RANBP17: variants seen among roughly 807,000 people sequenced by gnomAD.
RANBP17 encodes the protein RAN binding protein 17, also known as ran-binding protein 17.
A neutral mutation model predicts 141.2 loss-of-function variants in RANBP17; 158 were observed. That is an observed-to-expected ratio of 1.12 (90% CI 0.98 to 1.28). The LOEUF is 1.28. Ranked by LOEUF, RANBP17 falls within the 50% of genes most tolerant of loss-of-function variation. RANBP17 has a pLI of 0.00. For synonymous variants in RANBP17, 430 were observed against 450.0 expected (o/e 0.96, Z 0.56); for missense variants, 1,438 against 1,290.7 (o/e 1.11, Z -1.75).
chr5:171,082,885 A>AG (rs1254079286), intron 14 of RANBP17, among the ~76,000 whole-genome samples: 1 of 91,418 alleles, frequency 1.1e-5, no homozygotes, highest in Non-Finnish European at 2.8e-5. Flanking sequence ...ACCTCTTTAA[A>AG]GAAAAAAAAA....
At chr5:171,089,842 G>T (rs562326994) in intron 14 of RANBP17, among the ~76,000 whole-genome samples, 4 of 152,096 alleles carry the variant, frequency 2.6e-5, no homozygotes, top group East Asian at 1.9e-4. Flanking sequence ...GCACCCACTG[G>T]CCTGCGCCCA....
chr5:171,009,380 A>G (rs113573879), intron 14 of RANBP17, among the ~76,000 whole-genome samples: 2,031 of 152,308 alleles, frequency 0.013, 49 homozygotes, highest in African/African-American at 0.043. Flanking sequence ...TAAGTTGCTT[A>G]TAATCTAAAT....
chr5:171,056,729 A>T (rs1783402091), intron 14 of RANBP17, among the ~76,000 whole-genome samples: 1 of 152,174 alleles, frequency 6.6e-6, no homozygotes, highest in Non-Finnish European at 1.5e-5. Flanking sequence ...TACTTTGGAA[A>T]GTTTGTCATA....
chr5:170,870,654 T>C (rs1490479949), intron 1 of RANBP17, among the ~76,000 whole-genome samples: 2 of 152,238 alleles, frequency 1.3e-5, no homozygotes, highest in Non-Finnish European at 2.9e-5. Context: ...ATGTCTTTGC[T>C]ATTGTGAATA....
intron 18 of RANBP17, among the ~76,000 whole-genome samples, chr5:171,198,219 G>A (rs1338695345): frequency 6.6e-6 from 1 of 152,204 alleles, no homozygotes; most frequent in Non-Finnish European, 1.5e-5. Flanking sequence ...TCTAAGAGGA[G>A]TCACTTGGTC....
chr5:171,078,134 CTTTT>C (rs11331471), intron 14 of RANBP17, among the ~76,000 whole-genome samples: 4 of 122,794 alleles, frequency 3.3e-5, no homozygotes, highest in Non-Finnish European at 5.3e-5. Context: ...TCTTTTCTTT[CTTTT>C]TTTTTTTTTT....
chr5:170,887,005 T>G (rs1769223509), intron 3 of RANBP17, among the ~76,000 whole-genome samples: 1 of 152,132 alleles, frequency 6.6e-6, no homozygotes, highest in African/African-American at 2.4e-5. Flanking sequence ...CCAAAAATTT[T>G]TCCAATATAT....
chr5:170,918,858 A>C lies in RANBP17; in HGVS notation c.1100A>C (p.Gln367Pro), dbSNP rs765490368. The change falls in exon 10 of 28, where the codon CAG becomes CCG. Residue 367 changes from glutamine (Q) to proline (P), a missense_variant and splice_region_variant. Transcript: ENST00000523189. ...GCTAATTTTACCATTACTAGCCTAC[A>C]GGTAGGTAAAAATATGTAATTATGT... is the stretch of plus-strand genomic sequence containing the variant. ...LIANFTITSLQHWEFAPNSVH... is the reference protein window; with the variant it reads ...LIANFTITSLPHWEFAPNSVH... The C allele has an allele frequency of 3.2e-6, 5 of 1,558,260 alleles. No homozygotes were observed. The highest frequency in any genetic ancestry group is 1.7e-4 in the Middle Eastern group (1 of 5,866).
intron 24 of RANBP17, among the ~76,000 whole-genome samples, chr5:171,258,850 C>G (rs1766099165): frequency 6.6e-6 from 1 of 152,042 alleles, no homozygotes; most frequent in Non-Finnish European, 1.5e-5. Flanking sequence ...CTCCAAAACA[C>G]AGCAACAAAA....
At chr5:170,932,638 A>G (rs898467377) in intron 12 of RANBP17, among the ~76,000 whole-genome samples, 60 of 152,226 alleles carry the variant, frequency 3.9e-4, no homozygotes, top group Non-Finnish European at 8.1e-4. Flanking sequence ...AATTTTGTCA[A>G]AGGCCTTTTC....
At chr5:171,221,904 TGTTA>T in intron 22 of RANBP17, 64 bp downstream of exon 22, 5 of 1,011,418 alleles carry the variant, frequency 4.9e-6, no homozygotes, top group South Asian at 1.4e-5. Context: ...GAAAGAAAGA[TGTTA>T]GTTATTTTGT....
At chr5:171,281,159 T>C (rs2128036659) in intron 25 of RANBP17, among the ~76,000 whole-genome samples, 1 of 152,296 alleles carries the variant, frequency 6.6e-6, no homozygotes, top group East Asian at 1.9e-4. Flanking sequence ...CTCAGCCTAG[T>C]CTGTAGTCTG....
chr5:171,237,782 G>C lies in RANBP17; in HGVS notation c.2423-3146G>C, dbSNP rs531033339. ...GCAATGTAGATCTCCCTCTTAGGAA[G>C]GAAATGCTGACAAGGAAGGAATAGA... On this transcript the variant is annotated intron_variant, in intron 22 of 27. Transcript: ENST00000523189. Among the ~76,000 whole-genome samples, 3 of 151,094 alleles carry C rather than the reference G, an allele frequency of 2.0e-5. No homozygotes were observed. In the South Asian group the frequency reaches 6.3e-4, roughly 32 times the overall value.
chr5:171,023,026 G>A (rs553072962), intron 14 of RANBP17, among the ~76,000 whole-genome samples: 3 of 152,302 alleles, frequency 2.0e-5, no homozygotes, highest in Admixed American at 1.3e-4. Flanking sequence ...GTGGGAGGGG[G>A]CTCCCCTGCC....
intron 12 of RANBP17, among the ~76,000 whole-genome samples, chr5:170,945,501 A>G (rs1015675221): frequency 6.6e-6 from 1 of 152,300 alleles, no homozygotes; most frequent in Non-Finnish European, 1.5e-5. Context: ...TGGGCCAGGT[A>G]TTATTATCCT....
chr5:171,278,042 A>G (rs1288772952), intron 25 of RANBP17, among the ~76,000 whole-genome samples: 1 of 123,678 alleles, frequency 8.1e-6, no homozygotes, highest in East Asian at 2.7e-4. Context: ...GTTCCTCCCT[A>G]GATTTAGAAA....
chr5:171,249,946 C>T (rs1561800159), intron 24 of RANBP17, among the ~76,000 whole-genome samples: 1 of 152,144 alleles, frequency 6.6e-6, no homozygotes, highest in Non-Finnish European at 1.5e-5. Flanking sequence ...AGGGTCTTTT[C>T]CATGGTACAT....
At chr5:171,020,649 A>G (rs543200200) in intron 14 of RANBP17, among the ~76,000 whole-genome samples, 62 of 141,944 alleles carry the variant, frequency 4.4e-4, no homozygotes, top group African/African-American at 1.6e-3. Context: ...CCATCCCTTT[A>G]TCTTGAGCCT....
At chr5:171,159,102 T>G (rs906002183) in intron 14 of RANBP17, among the ~76,000 whole-genome samples, 1 of 152,220 alleles carries the variant, frequency 6.6e-6, no homozygotes, top group South Asian at 2.1e-4. Context: ...TTAATATACA[T>G]GAATATCATT....
Sources: gnomAD v4.1 joint callset for allele counts (sites outside exome capture counted in the v4.1 genomes callset) on GRCh38, gnomAD v4.1.1 for gene constraint, MANE v1.5 for transcripts, NCBI Gene and HGNC (gene_info 2026-07-23, HGNC 2026-07-21) for gene names.